Variants in ACSBG2 observed in about 807,000 individuals in gnomAD.
ACSBG2 encodes the protein acyl-CoA synthetase bubblegum family member 2.
A neutral mutation model predicts 74.7 loss-of-function variants in ACSBG2; 62 were observed. The ratio of observed to expected loss-of-function variants is 0.83; its 90% CI spans 0.68 to 1.03. The LOEUF is 1.03. ACSBG2 is among the 50% of genes least tolerant of loss of function. The pLI, the probability that ACSBG2 is intolerant of heterozygous loss-of-function variation, is 0.00. For missense variants in ACSBG2, 730 were observed against 817.6 expected, an observed-to-expected ratio of 0.89 and a Z score of 1.31; for synonymous variants, 309 against 294.1, an observed-to-expected ratio of 1.05 and a Z score of -0.52.
chr19:6,164,102 C>T (rs1259539753), intron 6 of ACSBG2, among the ~76,000 whole-genome samples: 1 of 152,128 alleles, frequency 6.6e-6, no homozygotes, highest in Non-Finnish European at 1.5e-5. Context: ...ATCTGTGTGC[C>T]CAACAGACTG....
At position 6,161,252 on chromosome 19, in the gene ACSBG2, T is replaced by G; in HGVS notation, c.545T>G (p.Ile182Ser). 1 of 1,613,540 alleles carries G rather than the reference T, an allele frequency of 6.2e-7. No individual in the cohort carries two copies. Residue 182 changes from isoleucine (I) to serine (S), a missense_variant, in exon 6 of 15, where the codon ATC becomes AGC. Transcript: ENST00000588485. ...QSSLEPLKAI[I>S]QYRLPMKKNN... ...AGCCTAGAGCCCCTAAAAGCGATCATCCAGTACAGACTGCCAATGAAGAAG... is the reference window on the plus strand; with the variant it reads ...AGCCTAGAGCCCCTAAAAGCGATCAGCCAGTACAGACTGCCAATGAAGAAG...
chr19:6,183,187 G>A lies in ACSBG2; in HGVS notation c.1237G>A (p.Asp413Asn), dbSNP rs1038806369. Residue 413 changes from aspartate (D) to asparagine (N), a missense_variant, in exon 10 of 15, where the codon GAC becomes AAC. Asp to Asn is a conservative substitution (Grantham distance 23). Coordinates refer to ENST00000588485, the MANE Select transcript of ACSBG2 (RefSeq NM_030924.5). ...GACTGCCGAGTTCTTTCTAAGCTTG[G>A]ACATACCTATAGGCGAGTTGTATGG... ...QETAEFFLSL[D>N]IPIGELYGLS... 3 of 1,614,182 alleles carry A rather than the reference G, an allele frequency of 1.9e-6. No individual in the cohort carries two copies. Among genetic ancestry groups the A allele is most frequent in the South Asian group, 2.2e-5 (2 of 91,084 alleles).
chr19:6,185,505 C>A lies in ACSBG2; in HGVS notation c.1392C>A (p.Ile464=). ...AGAACAAGGATGGCATTGGGGAGAT[C>A]TGCCTCTGGGGTAGGCACATCTTCA... ...FQQNKDGIGE[I]CLWGRHIFMG... is the part of the protein sequence containing the mutation. Residue 464 remains isoleucine (I), a synonymous_variant, in exon 11 of 15, where the codon ATC becomes ATA. Transcript: ENST00000588485. 1 of 1,614,178 alleles carries A rather than the reference C, an allele frequency of 6.2e-7. No homozygotes were observed. The highest frequency in any genetic ancestry group is 1.3e-5 in the African/African-American group (1 of 75,044).
rs1166524966 is a variant in ACSBG2, at chr19:6,180,045, T to C, written c.906+2649T>C. Reference sequence around the variant, plus strand: ...TTTTCCAGCTTCTAGAGGCCACCTATGTTCCTTATCTCAGGGCCCCTTCCT... The same window carrying C: ...TTTTCCAGCTTCTAGAGGCCACCTACGTTCCTTATCTCAGGGCCCCTTCCT... On this transcript the variant is annotated intron_variant, in intron 8 of 14. Transcript: ENST00000588485. This position sits in a 1 kb window ranked among gnomAD's most constrained non-coding sequence, Gnocchi z 4.3. 5.9e-5 allele frequency among the ~76,000 whole-genome samples: 9 copies of C among 152,152 alleles called. No individual in the cohort carries two copies. Among genetic ancestry groups the C allele is most frequent in the Non-Finnish European group, 1.3e-4 (9 of 68,026 alleles).
At chr19:6,186,284 T>G (rs2090405334) in intron 11 of ACSBG2, among the ~76,000 whole-genome samples, 2 of 152,202 alleles carry the variant, frequency 1.3e-5, no homozygotes, top group African/African-American at 2.4e-5. Flanking sequence ...ACTCTGTGAT[T>G]TGTAGCACAA....
chr19:6,141,360 G>A (rs1023361290), intron 1 of ACSBG2, among the ~76,000 whole-genome samples, 153 bp from the exon 2 acceptor site: 1 of 152,064 alleles, frequency 6.6e-6, no homozygotes, highest in African/African-American at 2.4e-5. Flanking sequence ...TATCTGGCAT[G>A]CCGGCCACTC....
rs2090311938 is a variant in ACSBG2 at position 6,183,214 on chromosome 19, T to C, written c.1264T>C (p.Leu422=). 3.1e-6 allele frequency: 5 copies of C among 1,613,990 alleles called. No homozygotes were observed. Among genetic ancestry groups the C allele is most frequent in the African/African-American group, 1.3e-5 (1 of 74,880 alleles). Residue 422 remains leucine (L), a synonymous_variant, in exon 10 of 15, where the codon TTG becomes CTG. Transcript: ENST00000588485. The part of the protein sequence containing the change: ...LDIPIGELYG[L]SESSGPHTIS... ...CATACCTATAGGCGAGTTGTATGGGTTGAGTGAGAGCTCGGGACCCCACAC... is the reference window on the plus strand; with the variant it reads ...CATACCTATAGGCGAGTTGTATGGGCTGAGTGAGAGCTCGGGACCCCACAC...
chr19:6,164,570 T>C (rs1317419368), intron 6 of ACSBG2, among the ~76,000 whole-genome samples: 4 of 151,952 alleles, frequency 2.6e-5, no homozygotes, highest in Non-Finnish European at 2.9e-5. Context: ...GGAGCTGGGA[T>C]TACAGGCGCC....
chr19:6,167,177 C>T (rs772745516), intron 7 of ACSBG2, among the ~76,000 whole-genome samples: 12 of 152,200 alleles, frequency 7.9e-5, no homozygotes, highest in Non-Finnish European at 1.8e-4. Context: ...CCCTGCCCCC[C>T]CTCAGCCTAG....
chr19:6,139,152 A>T (rs1017827716), intron 1 of ACSBG2, among the ~76,000 whole-genome samples: 1 of 149,774 alleles, frequency 6.7e-6, no homozygotes, highest in Non-Finnish European at 1.5e-5. Context: ...CAATGGTGCT[A>T]TCTTGGCTCA....
At chr19:6,187,969 G>A (rs1600140038) in intron 13 of ACSBG2, 124 bp downstream of exon 13, 3 of 1,425,294 alleles carry the variant, frequency 2.1e-6, no homozygotes, top group Non-Finnish European at 2.8e-6. Context: ...ACCAGGAGAG[G>A]GAGGCTGCCA....
chr19:6,150,202 GCTGGAACCCTT>G (rs1276425275), intron 3 of ACSBG2, among the ~76,000 whole-genome samples: 4 of 151,944 alleles, frequency 2.6e-5, no homozygotes, highest in Non-Finnish European at 5.9e-5. Flanking sequence ...ATATGGAGAA[GCTGGAACCCTT>G]GTGCAGTGCT....
chr19:6,179,299 T>A lies in ACSBG2; in HGVS notation c.906+1903T>A, dbSNP rs953878600. On this transcript the variant is annotated intron_variant, in intron 8 of 14. Coordinates refer to ENST00000588485, the MANE Select transcript of ACSBG2 (RefSeq NM_030924.5). ...ACTTTGATTTCTTTTCTAAATTTTTTTTTTTTTTTTTTTTTTTAGAGACAA... is the reference window on the plus strand; with the variant it reads ...ACTTTGATTTCTTTTCTAAATTTTTATTTTTTTTTTTTTTTTTAGAGACAA... 1.7e-3 allele frequency among the ~76,000 whole-genome samples: 247 copies of A among 149,072 alleles called. 1 individual carries two copies. Among genetic ancestry groups the A allele is most frequent in the African/African-American group, 5.7e-3 (231 of 40,786 alleles).
In ACSBG2 at chr19:6,182,875, AGGCATTCGTGTG is replaced by A. The variant is rs770681838; in HGVS notation, c.1036_1047del (p.Phe346_Ala349del). On this transcript the variant is annotated inframe_deletion, in exon 9 of 15. Transcript: ENST00000588485. Reference sequence around the variant, plus strand: ...GCCAAGTCCATGGGCTTGAAGAAGAAGGCATTCGTGTGGGCAAGAAACATTGGCTTCAAGGTC... The same window carrying A: ...GCCAAGTCCATGGGCTTGAAGAAGAAGGCAAGAAACATTGGCTTCAAGGTC... 5.6e-6 allele frequency: 9 copies of A among 1,614,168 alleles called. No homozygotes were observed. Among genetic ancestry groups the A allele is most frequent in the Non-Finnish European group, 7.6e-6 (9 of 1,180,028 alleles).
intron 3 of ACSBG2, among the ~76,000 whole-genome samples, chr19:6,148,534 T>C (rs941215487): frequency 6.6e-6 from 1 of 151,700 alleles, no homozygotes; most frequent in African/African-American, 2.4e-5. Flanking sequence ...TAGTCCCAGC[T>C]ATCAGGAGGC....
chr19:6,191,785 T>C (rs1024209306), intron 14 of ACSBG2: 1 of 152,194 alleles, frequency 6.6e-6, no homozygotes, highest in Non-Finnish European at 1.5e-5. Context: ...CCATTGTCCT[T>C]TGTTCAACGT....
intron 4 of ACSBG2, among the ~76,000 whole-genome samples, 169 bp downstream of exon 4, chr19:6,151,964 A>G (rs777383265): frequency 2.0e-5 from 3 of 152,244 alleles, no homozygotes; most frequent in South Asian, 2.1e-4. Flanking sequence ...GTCATACGCA[A>G]TAACACCCAT....
chr19:6,165,608 G>A (rs906364067), intron 6 of ACSBG2, among the ~76,000 whole-genome samples: 2 of 152,172 alleles, frequency 1.3e-5, no homozygotes, highest in Non-Finnish European at 2.9e-5. Flanking sequence ...AAGGAGTTGC[G>A]TCCTGACATC....
chr19:6,161,374 T>C (rs575582706), intron 6 of ACSBG2, 79 bp downstream of exon 6: 135 of 1,398,960 alleles, frequency 9.7e-5, no homozygotes, highest in Middle Eastern at 3.8e-4. Flanking sequence ...AAGTGGAAGG[T>C]GAGCAGAGGG....
Sources: allele counts gnomAD v4.1 joint callset (sites outside exome capture counted in the v4.1 genomes callset), GRCh38; gene constraint gnomAD v4.1.1; non-coding constraint Gnocchi (gnomAD v3.1); transcripts MANE v1.5; gene names NCBI Gene and HGNC (gene_info 2026-07-23, HGNC 2026-07-21).